The following ADK variants were observed in gnomAD, a reference collection of about 807,000 sequenced individuals.
The protein encoded by ADK is adenosine kinase, also known as N6,N6-dimethyladenosine kinase.
ADK carries 24 observed loss-of-function variants against 44.7 expected under a neutral mutation model. The observed-to-expected ratio is 0.54, with a 90% confidence interval of 0.39 to 0.76. The LOEUF is 0.76. Among genes scored for constraint, ADK ranks in the 30% least tolerant of loss-of-function variants. The probability of loss-of-function intolerance (pLI) is 0.00; values close to 1 mark genes in which losing one functional copy is unlikely to be tolerated. For missense variants in ADK, 321 were observed against 425.1 expected (o/e 0.76, Z 2.15); for synonymous variants, 128 against 142.6 (o/e 0.90, Z 0.73).
intron 2 of ADK, among the ~76,000 whole-genome samples, chr10:74,207,852 GGA>G (rs1382488517): frequency 6.6e-6 from 1 of 152,120 alleles, no homozygotes; most frequent in African/African-American, 2.4e-5. Context: ...TTTTTTCCCA[GGA>G]GAGTGTCTGC....
At chr10:74,228,501 AT>A (rs1165400254) in intron 3 of ADK, among the ~76,000 whole-genome samples, 1 of 152,116 alleles carries the variant, frequency 6.6e-6, no homozygotes, top group African/African-American at 2.4e-5. Context: ...TTTACTAAGT[AT>A]TTTTTCACCT....
intron 9 of ADK, among the ~76,000 whole-genome samples, chr10:74,608,889 G>A (rs1027334686): frequency 1.3e-5 from 2 of 152,106 alleles, no homozygotes; most frequent in African/African-American, 4.8e-5. Context: ...CCCCTGACTG[G>A]GGCTGCTGCC....
At chr10:74,155,306 G>T (rs868155817) in intron 1 of ADK, among the ~76,000 whole-genome samples, 1 of 151,904 alleles carries the variant, frequency 6.6e-6, no homozygotes, top group Middle Eastern at 3.2e-3. Context: ...AACAAAATGA[G>T]ACCCTCGAAT....
At chr10:74,325,962 A>G (rs1840992231) in intron 4 of ADK, among the ~76,000 whole-genome samples, 2 of 151,922 alleles carry the variant, frequency 1.3e-5, no homozygotes, top group South Asian at 4.2e-4. Context: ...CAGCCTCCCT[A>G]GTAGCTGGGA....
At chr10:74,193,851 G>A (rs1843035526) in intron 1 of ADK, among the ~76,000 whole-genome samples, 1 of 151,738 alleles carries the variant, frequency 6.6e-6, no homozygotes, top group Non-Finnish European at 1.5e-5. Flanking sequence ...CTAGCCATTG[G>A]GAATACAAAT....
intron 7 of ADK, among the ~76,000 whole-genome samples, chr10:74,552,253 G>A (rs904696038): frequency 6.6e-6 from 1 of 151,610 alleles, no homozygotes; most frequent in African/African-American, 2.4e-5. Flanking sequence ...TATATTGATA[G>A]AAAAGATTAA....
intron 8 of ADK, among the ~76,000 whole-genome samples, chr10:74,593,680 G>A (rs1291320564): frequency 6.6e-6 from 1 of 152,086 alleles, no homozygotes; most frequent in Non-Finnish European, 1.5e-5. Flanking sequence ...TATTAAAGGA[G>A]TTTCTATTTG....
At chr10:74,647,229 GA>G (rs1027279476) in intron 9 of ADK, among the ~76,000 whole-genome samples, 17 of 151,800 alleles carry the variant, frequency 1.1e-4, no homozygotes, top group African/African-American at 4.1e-4. Context: ...GAGAAGGAAG[GA>G]AAAAAAAGAT....
intron 1 of ADK, among the ~76,000 whole-genome samples, chr10:74,155,455 C>T (rs189250797): frequency 6.6e-6 from 1 of 152,164 alleles, no homozygotes; most frequent in East Asian, 1.9e-4. Flanking sequence ...CAAGCCTGGC[C>T]TTAATTAATG....
chr10:74,243,879 TAAAG>T (rs1192724302), intron 3 of ADK, among the ~76,000 whole-genome samples: 2 of 152,128 alleles, frequency 1.3e-5, no homozygotes, highest in East Asian at 1.9e-4. Context: ...TAAACATAAA[TAAAG>T]ACCACACTAT....
At chr10:74,434,852 A>G (rs915504900) in intron 6 of ADK, among the ~76,000 whole-genome samples, 2 of 152,190 alleles carry the variant, frequency 1.3e-5, no homozygotes, top group African/African-American at 4.8e-5. Flanking sequence ...CACTGCCAAC[A>G]TCCTGGTGCA....
At chr10:74,217,051 C>T (rs541161095) in intron 2 of ADK, among the ~76,000 whole-genome samples, 5 of 152,286 alleles carry the variant, frequency 3.3e-5, no homozygotes, top group South Asian at 4.1e-4. Flanking sequence ...GTGCATGAGC[C>T]GAAGCAGGGC....
chr10:74,333,517 G>C (rs1249055538), intron 4 of ADK, among the ~76,000 whole-genome samples: 1 of 152,130 alleles, frequency 6.6e-6, no homozygotes, highest in African/African-American at 2.4e-5. Context: ...GGAGAAACAT[G>C]AACAATGGCA....
intron 3 of ADK, among the ~76,000 whole-genome samples, chr10:74,229,391 CTTT>C (rs371346131): frequency 1.0e-5 from 1 of 97,236 alleles, no homozygotes. Flanking sequence ...ATCTGGTATG[CTTT>C]TTTTTTTTTT....
intron 6 of ADK, among the ~76,000 whole-genome samples, chr10:74,483,964 G>C (rs1847170693): frequency 6.6e-6 from 1 of 152,164 alleles, no homozygotes; most frequent in East Asian, 1.9e-4. Context: ...ATATTCTTAT[G>C]AGCCCTCCAA....
At chr10:74,567,479 C>G (rs57943243) in intron 7 of ADK, among the ~76,000 whole-genome samples, 1 of 152,116 alleles carries the variant, frequency 6.6e-6, no homozygotes, top group Admixed American at 6.6e-5. Context: ...CCTTTCAAAT[C>G]TTAGTACTTT....
chr10:74,158,895 T>G (rs999369737), intron 1 of ADK, among the ~76,000 whole-genome samples: 4 of 152,226 alleles, frequency 2.6e-5, no homozygotes, highest in African/African-American at 9.6e-5. Context: ...TATTAGGCTT[T>G]TCTTCCTCTC....
At chr10:74,253,245 G>A (rs938382984) in intron 3 of ADK, among the ~76,000 whole-genome samples, 3 of 152,238 alleles carry the variant, frequency 2.0e-5, no homozygotes, top group African/African-American at 7.2e-5. Flanking sequence ...CTACCCCGTA[G>A]GCAGAGAGTA....
chr10:74,275,373 A>G (rs1344437373), intron 3 of ADK, among the ~76,000 whole-genome samples: 3 of 152,094 alleles, frequency 2.0e-5, no homozygotes, highest in Admixed American at 1.3e-4. Context: ...GCCTTTAAGC[A>G]TGTCTAAGTG....
Sources: allele counts gnomAD v4.1 joint callset (sites outside exome capture counted in the v4.1 genomes callset), GRCh38; gene constraint gnomAD v4.1.1; transcripts MANE v1.5; gene names NCBI Gene and HGNC (gene_info 2026-07-23, HGNC 2026-07-21).